Variants in CAMK1D observed in about 807,000 individuals in gnomAD.
CAMK1D encodes calcium/calmodulin dependent protein kinase ID, also known as calcium/calmodulin-dependent protein kinase type 1D.
A neutral mutation model predicts 47.7 loss-of-function variants in CAMK1D; 9 were observed. The ratio of observed to expected loss-of-function variants is 0.19; its 90% CI spans 0.11 to 0.33. The LOEUF (loss-of-function observed/expected upper bound fraction) is 0.33. Ranked by LOEUF, CAMK1D falls within the 10% of genes least tolerant of loss-of-function variation. The pLI, the probability that CAMK1D is intolerant of heterozygous loss-of-function variation, is 1.00. For missense variants in CAMK1D, 291 were observed against 488.7 expected, an observed-to-expected ratio of 0.60 and a Z score of 3.81; for synonymous variants, 184 against 184.9, an observed-to-expected ratio of 0.99 and a Z score of 0.04.
At chr10:12,795,503 C>T (rs529734906) in intron 6 of CAMK1D, among the ~76,000 whole-genome samples, 2 of 152,194 alleles carry the variant, frequency 1.3e-5, no homozygotes, top group Non-Finnish European at 2.9e-5. Flanking sequence ...AGTCACGGAG[C>T]GCCTCATTCT....
chr10:12,781,232 C>T (rs907900465), intron 5 of CAMK1D, among the ~76,000 whole-genome samples: 1 of 152,240 alleles, frequency 6.6e-6, no homozygotes, highest in African/African-American at 2.4e-5. Flanking sequence ...GGAATGACTA[C>T]GGCAGTCTTC....
intron 6 of CAMK1D, among the ~76,000 whole-genome samples, chr10:12,805,208 G>A (rs908003607): frequency 6.0e-5 from 9 of 150,874 alleles, no homozygotes; most frequent in African/African-American, 1.7e-4. Flanking sequence ...GCAGTGAGCC[G>A]AGATTGCGCC....
chr10:12,485,435 C>A (rs1419290724), intron 1 of CAMK1D, among the ~76,000 whole-genome samples: 1 of 152,042 alleles, frequency 6.6e-6, no homozygotes, highest in East Asian at 1.9e-4. Context: ...AAGCTTGGGC[C>A]CCAGGTTCAG....
chr10:12,732,514 G>A (rs775163403), intron 3 of CAMK1D, among the ~76,000 whole-genome samples: 48 of 152,046 alleles, frequency 3.2e-4, no homozygotes, highest in Non-Finnish European at 6.0e-4. Flanking sequence ...GAATCGTGGC[G>A]GGAGGCGAAA....
chr10:12,699,962 C>T (rs1234027293), intron 3 of CAMK1D, among the ~76,000 whole-genome samples: 1 of 151,910 alleles, frequency 6.6e-6, no homozygotes, highest in Non-Finnish European at 1.5e-5. Context: ...CCTGTCTAAA[C>T]ATGTTGTAGC....
At chr10:12,730,462 C>T (rs1316698360) in intron 3 of CAMK1D, among the ~76,000 whole-genome samples, 1 of 152,052 alleles carries the variant, frequency 6.6e-6, no homozygotes, top group East Asian at 1.9e-4. Context: ...TTTGAATAGG[C>T]CGTTGGATAT....
rs762894154 is a variant in CAMK1D, at chr10:12,791,172, G to T, written c.580G>T (p.Ala194Ser). 1.2e-6 allele frequency: 2 copies of T among 1,613,960 alleles called. No individual in the cohort carries two copies. Among genetic ancestry groups the T allele is most frequent in the Admixed American group, 3.3e-5 (2 of 59,994 alleles). Reference sequence around the variant, plus strand: ...TCTTTCTGCAGCTCCTGAAGTCCTCGCCCAGAAACCTTACAGCAAAGCCGT... The same window carrying T: ...TCTTTCTGCAGCTCCTGAAGTCCTCTCCCAGAAACCTTACAGCAAAGCCGT... The part of the protein sequence containing the change: ...TPGYVAPEVL[A>S]QKPYSKAVDC... The change falls in exon 6 of 11, where the codon GCC becomes TCC. Residue 194 changes from alanine (A) to serine (S), a missense_variant. Coordinates refer to ENST00000619168, the MANE Select transcript of CAMK1D (RefSeq NM_153498.4).
intron 1 of CAMK1D, among the ~76,000 whole-genome samples, chr10:12,385,952 G>A (rs1195511291): frequency 6.6e-6 from 1 of 151,996 alleles, no homozygotes; most frequent in African/African-American, 2.4e-5. Context: ...CAGCATGTTG[G>A]TCACGCTGGT....
chr10:12,735,440 T>C (rs968006700), intron 3 of CAMK1D, among the ~76,000 whole-genome samples: 2 of 152,062 alleles, frequency 1.3e-5, no homozygotes, highest in Non-Finnish European at 2.9e-5. Flanking sequence ...ATTGCGCCAC[T>C]GCACTCCAGC....
intron 1 of CAMK1D, among the ~76,000 whole-genome samples, chr10:12,531,863 A>T (rs7911869): frequency 0.23 from 34,285 of 152,220 alleles, 4,368 homozygotes; most frequent in South Asian, 0.3. Flanking sequence ...TACAGCAAAT[A>T]ACTGCTAAAT....
intron 6 of CAMK1D, among the ~76,000 whole-genome samples, chr10:12,804,765 C>T (rs1838642307): frequency 8.0e-6 from 1 of 124,668 alleles, no homozygotes; most frequent in Non-Finnish European, 1.6e-5. Context: ...AAGACCCTGT[C>T]TGTACCAAAA....
At chr10:12,821,933 C>T (rs1588969236) in intron 8 of CAMK1D, among the ~76,000 whole-genome samples, 1 of 152,102 alleles carries the variant, frequency 6.6e-6, no homozygotes, top group South Asian at 2.1e-4. Flanking sequence ...GAGATCGCAC[C>T]ACTGCCCTCC....
In CAMK1D at chr10:12,349,606, G is replaced by A; in HGVS notation, c.-213G>A. 6.4e-6 allele frequency: 1 copy of A among 157,478 alleles called. No homozygotes were observed. The highest frequency in any genetic ancestry group is 1.4e-5 in the Non-Finnish European group (1 of 72,014). 9.8% of individuals were successfully genotyped at this position (157,478 alleles called of 1,614,324 possible). ...AGGAGCCGGCGCGCGGCGGCGGCAG[G>A]AAGTCTGTGCCCGAGAACAGCAGAA... On this transcript the variant is annotated 5_prime_UTR_variant, in exon 1 of 11. Coordinates refer to ENST00000619168, the MANE Select transcript of CAMK1D (RefSeq NM_153498.4).
At chr10:12,623,718 T>C (rs557992644) in intron 2 of CAMK1D, among the ~76,000 whole-genome samples, 198 of 150,452 alleles carry the variant, frequency 1.3e-3, no homozygotes, top group African/African-American at 4.4e-3. Context: ...TCCCTTTTTT[T>C]CCCCCCCAAA....
chr10:12,463,849 G>A (rs2031746), intron 1 of CAMK1D, among the ~76,000 whole-genome samples: 13,064 of 152,062 alleles, frequency 0.086, 1,114 homozygotes, highest in African/African-American at 0.21. Context: ...TGCTGTTCTC[G>A]TGATAGTGAG....
At chr10:12,435,726 C>T (rs979897229) in intron 1 of CAMK1D, among the ~76,000 whole-genome samples, 3 of 152,242 alleles carry the variant, frequency 2.0e-5, no homozygotes, top group South Asian at 4.1e-4. Flanking sequence ...GGATGTAGGT[C>T]GCCTGTGGCT....
Position 12,694,399 on chromosome 10 carries a change from CAT to C in CAMK1D, c.299+27595_299+27596del, listed in dbSNP as rs1476069923. Among the ~76,000 whole-genome samples the C allele has an allele frequency of 8.6e-5, 5 of 57,928 alleles. No individual in the cohort carries two copies. In the East Asian group the frequency reaches 1.8e-3, roughly 20 times the overall value. The allele number at this position is 57,928 out of a possible 152,430, so 38.0% of individuals were successfully genotyped here. A position where few individuals can be genotyped will look rare whatever the true frequency, so the allele number is the denominator to read the frequency against. On this transcript the variant is annotated intron_variant, in intron 3 of 10. Transcript: ENST00000619168. Reference sequence around the variant, plus strand: ...AATATAAAATATATATGTTATATATCATATATAAAATATAAAATATATATGTT... The same window carrying C: ...AATATAAAATATATATGTTATATATCATATAAAATATAAAATATATATGTT...
intron 2 of CAMK1D, among the ~76,000 whole-genome samples, chr10:12,585,980 C>G (rs61848330): frequency 9.2e-5 from 14 of 152,098 alleles, no homozygotes; most frequent in African/African-American, 3.4e-4. Flanking sequence ...GGCAGGTAAG[C>G]CACCAGCATC....
chr10:12,353,958 G>A (rs1033976694), intron 1 of CAMK1D, among the ~76,000 whole-genome samples: 15 of 152,072 alleles, frequency 9.9e-5, no homozygotes, highest in Admixed American at 4.6e-4. Flanking sequence ...AATACTATTC[G>A]GAGAAGTATA....
Sources: allele counts gnomAD v4.1 joint callset (sites outside exome capture counted in the v4.1 genomes callset), GRCh38; gene constraint gnomAD v4.1.1; transcripts MANE v1.5; gene names NCBI Gene and HGNC (gene_info 2026-07-23, HGNC 2026-07-21).